The following TOGARAM1 variants were observed in gnomAD, a reference collection of about 807,000 sequenced individuals.
TOGARAM1 encodes TOG array regulator of axonemal microtubules protein 1.
Under a neutral mutation model 166.6 loss-of-function variants are expected in TOGARAM1, and 100 were observed. That is an observed-to-expected ratio of 0.60 (90% CI 0.51 to 0.71). TOGARAM1 has a LOEUF of 0.71. Among genes scored for constraint, TOGARAM1 ranks in the 30% least tolerant of loss-of-function variants. The pLI, the probability that TOGARAM1 is intolerant of heterozygous loss-of-function variation, is 0.00. For missense variants in TOGARAM1, 2,029 were observed against 2,102.7 expected, an observed-to-expected ratio of 0.96 and a Z score of 0.69; for synonymous variants, 758 against 763.8, an observed-to-expected ratio of 0.99 and a Z score of 0.13.
intron 7 of TOGARAM1, among the ~76,000 whole-genome samples, chr14:45,016,667 G>T (rs921964944): frequency 6.6e-6 from 1 of 152,126 alleles, no homozygotes; most frequent in Non-Finnish European, 1.5e-5. Flanking sequence ...GAAATGCTGG[G>T]ATTACAGATG....
intron 1 of TOGARAM1, among the ~76,000 whole-genome samples, chr14:44,979,761 T>C (rs1886428062): frequency 6.6e-6 from 1 of 152,186 alleles, no homozygotes; most frequent in Non-Finnish European, 1.5e-5. Flanking sequence ...ACAGATTTTT[T>C]CATTTGAGCA....
chr14:45,045,597 GTGTGTGTGTGTGTGTGTGTGTA>G (rs1245327413), intron 13 of TOGARAM1, among the ~76,000 whole-genome samples: 3 of 71,770 alleles, frequency 4.2e-5, no homozygotes, highest in Admixed American at 3.1e-4. Context: ...GTGTGTGTGT[GTGTGTGTGTGTGTGTGTGTGTA>G]TATATATGTA....
Position 45,073,309 on chromosome 14 carries a change from A to G in TOGARAM1, c.5070A>G (p.Glu1690=), listed in dbSNP as rs1738534459. 6.2e-7 allele frequency: 1 copy of G among 1,612,404 alleles called. No individual in the cohort carries two copies. Among genetic ancestry groups the G allele is most frequent in the African/African-American group, 1.3e-5 (1 of 74,880 alleles). The change falls in exon 20 of 20, where the codon GAA becomes GAG. Residue 1690 remains glutamate, a synonymous_variant. Coordinates refer to ENST00000361462, the MANE Select transcript of TOGARAM1 (RefSeq NM_001308120.2). ...TTTATGTTTCAGATATTGTTACGGA[A>G]CTTTATCAAAGGAAGCCGCATGCCA... ...MTEKLADIVT[E]LYQRKPHATE... is the part of the protein sequence containing the mutation.
chr14:45,056,498 G>A (rs1882645493), intron 16 of TOGARAM1, among the ~76,000 whole-genome samples: 1 of 152,006 alleles, frequency 6.6e-6, no homozygotes, highest in Non-Finnish European at 1.5e-5. Flanking sequence ...GTTGGCTGTG[G>A]GTTTATTGTA....
intron 5 of TOGARAM1, 156 bp downstream of exon 5, chr14:45,006,423 G>A (rs1369355722): frequency 1.7e-6 from 1 of 571,586 alleles, no homozygotes; most frequent in Non-Finnish European, 3.0e-6. Context: ...TGAATTAGTA[G>A]GAAGGGAATT....
chr14:45,013,439 C>T (rs899595071), intron 7 of TOGARAM1, among the ~76,000 whole-genome samples: 1 of 152,192 alleles, frequency 6.6e-6, no homozygotes, highest in African/African-American at 2.4e-5. Flanking sequence ...GTTTAGTATA[C>T]TGCCTTGCAT....
At position 45,060,321 on chromosome 14, in the gene TOGARAM1, T is replaced by C. The variant is rs1882849631; in HGVS notation, c.4559+5772T>C. ...ACCTCCACCTTTTGGGTTCCAGTGA[T>C]TCTCCTGCCTTGGCCTCCTAAGTAG... is the stretch of plus-strand genomic sequence containing the variant. On this transcript the variant is annotated intron_variant, in intron 16 of 19. Coordinates refer to ENST00000361462, the MANE Select transcript of TOGARAM1 (RefSeq NM_001308120.2). 2.6e-5 allele frequency among the ~76,000 whole-genome samples: 4 copies of C among 151,794 alleles called. No individual in the cohort carries two copies. In the South Asian group the frequency reaches 8.3e-4, roughly 32 times the overall value.
At chr14:45,072,652 T>G (rs2139014643) in intron 19 of TOGARAM1, among the ~76,000 whole-genome samples, 1 of 152,218 alleles carries the variant, frequency 6.6e-6, no homozygotes, top group East Asian at 1.9e-4. Context: ...CTTGAACTTC[T>G]GACCTCAAGT....
At position 44,999,343 on chromosome 14, in the gene TOGARAM1, TC is replaced by T; in HGVS notation, c.2204-17del. 6.5e-7 allele frequency: 1 copy of T among 1,531,928 alleles called. No homozygotes were observed. The highest frequency in any genetic ancestry group is 8.8e-7 in the Non-Finnish European group (1 of 1,135,124). The allele number at this position is 1,531,928 out of a possible 1,614,324, so 94.9% of individuals were successfully genotyped here. A position where few individuals can be genotyped will look rare whatever the true frequency, so the allele number is the denominator to read the frequency against. ...AGTTAACTTTTGCTTTTATGTTTTC[TC>T]CCTTCCTTTCTTCAAAAGGTACTAC... On this transcript the variant is annotated intron_variant, in intron 2 of 19. Transcript: ENST00000361462.
rs1883475961 is a variant in TOGARAM1 at position 45,073,507 on chromosome 14, T to C, written c.5268T>C (p.His1756=). The C allele has an allele frequency of 1.2e-6, 2 of 1,614,044 alleles. No individual in the cohort carries two copies. The highest frequency in any genetic ancestry group is 4.5e-5 in the East Asian group (2 of 44,870). ...ATCAGGCTGCATCTCAACCACCACATATCAAAAAGAGTTTGGAGGAATTAC... is the reference window on the plus strand; with the variant it reads ...ATCAGGCTGCATCTCAACCACCACACATCAAAAAGAGTTTGGAGGAATTAC... The part of the protein sequence containing the change: ...LLNQAASQPP[H]IKKSLEELLD... The change falls in exon 20 of 20, where the codon CAT becomes CAC. Residue 1756 remains histidine (H), a synonymous_variant. Coordinates refer to ENST00000361462, the MANE Select transcript of TOGARAM1 (RefSeq NM_001308120.2).
At chr14:44,985,886 T>A (rs951080155) in intron 1 of TOGARAM1, among the ~76,000 whole-genome samples, 1 of 152,260 alleles carries the variant, frequency 6.6e-6, no homozygotes, top group African/African-American at 2.4e-5. Flanking sequence ...GTTCAGGATC[T>A]AAAGAGTTTT....
At chr14:45,021,902 G>A (rs1880536833) in intron 7 of TOGARAM1, among the ~76,000 whole-genome samples, 1 of 152,102 alleles carries the variant, frequency 6.6e-6, no homozygotes, top group African/African-American at 2.4e-5. Flanking sequence ...CAAGCACAAG[G>A]TCATTGGTTA....
chr14:44,965,624 A>G (rs1885486440), intron 1 of TOGARAM1, among the ~76,000 whole-genome samples: 1 of 152,218 alleles, frequency 6.6e-6, no homozygotes, highest in Admixed American at 6.5e-5. Flanking sequence ...ACATTACATT[A>G]TGAGGCAAAT....
intron 1 of TOGARAM1, among the ~76,000 whole-genome samples, chr14:44,983,660 T>G (rs537143182): frequency 6.6e-6 from 1 of 152,314 alleles, no homozygotes; most frequent in South Asian, 2.1e-4. Context: ...ACAAATTTGA[T>G]AAGAAATTAG....
intron 1 of TOGARAM1, among the ~76,000 whole-genome samples, chr14:44,987,229 G>C (rs1418879121): frequency 6.6e-6 from 1 of 151,590 alleles, no homozygotes; most frequent in Non-Finnish European, 1.5e-5. Flanking sequence ...GTGAGCCACT[G>C]TGCCCAGCCA....
At chr14:45,032,188 T>G (rs1481768440) in intron 10 of TOGARAM1, 35 bp from the exon 11 acceptor site, 1 of 1,568,530 alleles carries the variant, frequency 6.4e-7, no homozygotes, top group African/African-American at 1.4e-5. Flanking sequence ...TTTAAAAAGG[T>G]TCTCTCATAG....
intron 14 of TOGARAM1, among the ~76,000 whole-genome samples, chr14:45,047,458 A>T (rs1882129083): frequency 6.6e-6 from 1 of 152,046 alleles, no homozygotes; most frequent in South Asian, 2.1e-4. Context: ...ACAAAACATG[A>T]GATATCTGCA....
At chr14:45,021,151 A>C (rs768572271) in intron 7 of TOGARAM1, among the ~76,000 whole-genome samples, 1 of 152,174 alleles carries the variant, frequency 6.6e-6, no homozygotes, top group Non-Finnish European at 1.5e-5. Context: ...CTCCACGCCC[A>C]TCAGACATAC....
chr14:44,979,251 G>A (rs564338768), intron 1 of TOGARAM1, among the ~76,000 whole-genome samples: 1 of 152,166 alleles, frequency 6.6e-6, no homozygotes, highest in South Asian at 2.1e-4. Flanking sequence ...CTTAGACTGG[G>A]TAATTTATAA....
Sources: allele counts gnomAD v4.1 joint callset (sites outside exome capture counted in the v4.1 genomes callset), GRCh38; gene constraint gnomAD v4.1.1; transcripts MANE v1.5; gene names NCBI Gene and HGNC (gene_info 2026-07-23, HGNC 2026-07-21).